The following MEI4 variants were observed in gnomAD, a reference collection of about 807,000 sequenced individuals.
MEI4 encodes the protein meiotic double-stranded break formation protein 4.
In MEI4, 27 loss-of-function variants were observed where a neutral mutation model predicts 31.4. That is an observed-to-expected ratio of 0.86 (90% CI 0.63 to 1.19). The LOEUF (loss-of-function observed/expected upper bound fraction) is 1.19, where lower values mean the gene tolerates loss of function less well. Ranked by LOEUF, MEI4 falls within the 50% of genes most tolerant of loss-of-function variation. The pLI is 0.00. For synonymous variants in MEI4, 122 were observed against 145.4 expected (o/e 0.84, Z 1.16); for missense variants, 329 against 398.9 (o/e 0.82, Z 1.49).
chr6:77,839,177 AC>A (rs1770296830), intron 4 of MEI4, among the ~76,000 whole-genome samples: 1 of 152,062 alleles, frequency 6.6e-6, no homozygotes, highest in Non-Finnish European at 1.5e-5. Context: ...AATCCTCGGG[AC>A]TTTTGTCTTT....
intron 4 of MEI4, among the ~76,000 whole-genome samples, chr6:77,852,367 T>A (rs1770646336): frequency 6.6e-6 from 1 of 152,210 alleles, no homozygotes; most frequent in Non-Finnish European, 1.5e-5. Flanking sequence ...AGTGCAAATG[T>A]TGACACAGTG....
intron 3 of MEI4, among the ~76,000 whole-genome samples, chr6:77,770,913 G>T (rs963989411): frequency 3.3e-5 from 5 of 152,004 alleles, no homozygotes; most frequent in Admixed American, 6.6e-5. Context: ...AAAAACAATT[G>T]CAGCAAAAGA....
intron 4 of MEI4, among the ~76,000 whole-genome samples, chr6:77,870,176 T>C (rs1038754581): frequency 1.7e-4 from 26 of 152,148 alleles, no homozygotes; most frequent in Admixed American, 1.7e-3. Flanking sequence ...AAAATGTACT[T>C]TGAATTTTGA....
chr6:77,657,162 G>C lies in MEI4; in HGVS notation c.-15+4070G>C, dbSNP rs558320736. 7.9e-5 allele frequency among the ~76,000 whole-genome samples: 12 copies of C among 152,248 alleles called. 1 individual carries two copies. In the South Asian group the frequency reaches 2.3e-3, roughly 29 times the overall value. On this transcript the variant is annotated intron_variant, in intron 1 of 4. Transcript: ENST00000684080. Reference sequence around the variant, plus strand: ...GAGATCACTGAGAAAGTTACTGATTGAAACTACATGGCTGGGAACTGGATT... The same window carrying C: ...GAGATCACTGAGAAAGTTACTGATTCAAACTACATGGCTGGGAACTGGATT...
At chr6:77,729,604 C>G (rs1156326370) in intron 2 of MEI4, among the ~76,000 whole-genome samples, 1 of 152,138 alleles carries the variant, frequency 6.6e-6, no homozygotes, top group Non-Finnish European at 1.5e-5. Flanking sequence ...AGGCTGAGTG[C>G]AGGAGTTTGG....
intron 4 of MEI4, among the ~76,000 whole-genome samples, chr6:77,891,682 C>T (rs772014258): frequency 4.2e-4 from 64 of 151,854 alleles, no homozygotes; most frequent in Non-Finnish European, 7.6e-4. Context: ...TGTCATGTTT[C>T]CTTGCTTTTT....
rs1442407657 is a variant in MEI4 at position 77,713,600 on chromosome 6, G to C, written c.232+22697G>C. On this transcript the variant is annotated intron_variant, in intron 2 of 4. Coordinates refer to ENST00000684080, the MANE Select transcript of MEI4 (RefSeq NM_001322247.2). ...GTGAAAGATCCTCAGTGTGTTATGG[G>C]TCTGCTTCTCTTAGGAATAAATTGT... Among the ~76,000 whole-genome samples, 5 of 152,244 alleles carry C rather than the reference G, an allele frequency of 3.3e-5. No homozygotes were observed. The East Asian group carries it at 9.7e-4, about 29-fold the overall frequency.
chr6:77,898,564 C>T (rs900981733), intron 4 of MEI4, among the ~76,000 whole-genome samples: 10 of 151,976 alleles, frequency 6.6e-5, no homozygotes, highest in South Asian at 2.1e-4. Flanking sequence ...CACTTATTGC[C>T]TTTGTAGTAG....
chr6:77,665,289 C>A (rs1258995435), intron 1 of MEI4, among the ~76,000 whole-genome samples: 1 of 151,584 alleles, frequency 6.6e-6, no homozygotes, highest in Admixed American at 6.6e-5. Flanking sequence ...TTCTTGCCCC[C>A]TAGAAAAGTG....
intron 3 of MEI4, among the ~76,000 whole-genome samples, chr6:77,767,514 G>A (rs767608581): frequency 1.3e-5 from 2 of 151,998 alleles, no homozygotes; most frequent in Non-Finnish European, 2.9e-5. Context: ...TGGCAACATG[G>A]TGAGACCCTG....
At chr6:77,902,336 T>C (rs1053653732) in intron 4 of MEI4, among the ~76,000 whole-genome samples, 2 of 152,174 alleles carry the variant, frequency 1.3e-5, no homozygotes, top group African/African-American at 4.8e-5. Context: ...TTCCAGTCCA[T>C]GAACCACAGG....
intron 1 of MEI4, among the ~76,000 whole-genome samples, chr6:77,663,890 G>A (rs1482367831): frequency 6.6e-6 from 1 of 152,190 alleles, no homozygotes; most frequent in Non-Finnish European, 1.5e-5. Context: ...CAGGGGCTCT[G>A]GGAGTGGCTG....
At chr6:77,883,717 G>GATATATATATATATATAT (rs570185624) in intron 4 of MEI4, among the ~76,000 whole-genome samples, 786 of 43,038 alleles carry the variant, frequency 0.018, 25 homozygotes, top group East Asian at 0.057. Context: ...TATTATGTAA[G>GATATATATATATATATAT]ATATATATAT....
intron 4 of MEI4, among the ~76,000 whole-genome samples, chr6:77,866,662 T>A (rs1308686820): frequency 6.6e-6 from 1 of 152,198 alleles, no homozygotes; most frequent in South Asian, 2.1e-4. Flanking sequence ...CAAAGTAATT[T>A]ATAGATTCAG....
chr6:77,782,099 A>G (rs1487131070), intron 3 of MEI4, among the ~76,000 whole-genome samples: 1 of 151,990 alleles, frequency 6.6e-6, no homozygotes, highest in Non-Finnish European at 1.5e-5. Flanking sequence ...GGTCACTGGG[A>G]CTCAGAATGG....
intron 4 of MEI4, among the ~76,000 whole-genome samples, chr6:77,918,564 C>CTGTT (rs1278924832): frequency 1.8e-4 from 27 of 149,052 alleles, no homozygotes; most frequent in African/African-American, 6.7e-4. Flanking sequence ...ATTTGGCTCT[C>CTGTT]TGTTTGTCTG....
At chr6:77,802,604 G>A (rs939245364) in intron 3 of MEI4, among the ~76,000 whole-genome samples, 5 of 152,308 alleles carry the variant, frequency 3.3e-5, no homozygotes, top group South Asian at 4.1e-4. Flanking sequence ...TGCAGTGGCT[G>A]GCACCAGTTG....
At chr6:77,677,270 T>C (rs1768861628) in intron 1 of MEI4, among the ~76,000 whole-genome samples, 1 of 152,214 alleles carries the variant, frequency 6.6e-6, no homozygotes, top group South Asian at 2.1e-4. Flanking sequence ...GCATGATTTC[T>C]CAATATCCAT....
intron 4 of MEI4, among the ~76,000 whole-genome samples, chr6:77,902,486 C>A (rs1319154933): frequency 6.6e-6 from 1 of 151,890 alleles, no homozygotes; most frequent in Non-Finnish European, 1.5e-5. Flanking sequence ...TGGAATTATT[C>A]TCTTGATTGT....
Sources: allele counts gnomAD v4.1 joint callset (sites outside exome capture counted in the v4.1 genomes callset), GRCh38; gene constraint gnomAD v4.1.1; transcripts MANE v1.5; gene names NCBI Gene and HGNC (gene_info 2026-07-23, HGNC 2026-07-21).